EFNA2: variants seen among roughly 807,000 people sequenced by gnomAD.
EFNA2 encodes ephrin-A2.
EFNA2 carries 18 observed loss-of-function variants against 19.7 expected under a neutral mutation model. The ratio of observed to expected loss-of-function variants is 0.91; its 90% CI spans 0.63 to 1.35. EFNA2 has a LOEUF of 1.35. Among genes scored for constraint, EFNA2 ranks in the 40% most tolerant of loss-of-function variants. The pLI, the probability that EFNA2 is intolerant of heterozygous loss-of-function variation, is 0.00. For missense variants in EFNA2, 303 were observed against 296.0 expected (o/e 1.02, Z -0.17); for synonymous variants, 187 against 137.8 (o/e 1.36, Z -2.50).
chr19:1,295,811 T>G lies in EFNA2; in HGVS notation c.407T>G (p.Phe136Cys). Residue 136 changes from phenylalanine to cysteine, a missense_variant, in exon 2 of 4, where the codon TTC becomes TGC. Transcript: ENST00000215368. The surrounding 1 kb of genome is among the most constrained non-coding windows in gnomAD (Gnocchi z 5.8). ...GAGAAGTTCCAGCTCTTCACGCCCT[T>G]CTCCCTGGGCTTCGAGTTCCGGCCC... ...FSEKFQLFTP[F>C]SLGFEFRPGH... is the part of the protein sequence containing the mutation. 1 of 1,607,096 alleles carries G rather than the reference T, an allele frequency of 6.2e-7. No individual in the cohort carries two copies. Among genetic ancestry groups the G allele is most frequent in the Non-Finnish European group, 8.5e-7 (1 of 1,178,060 alleles).
At chr19:1,292,538 G>A (rs898937633) in intron 1 of EFNA2, among the ~76,000 whole-genome samples, 1 of 152,212 alleles carries the variant, frequency 6.6e-6, no homozygotes, top group East Asian at 1.9e-4. Flanking sequence ...GATATGGGGC[G>A]GGGCACAGGG....
chr19:1,289,794 G>A (rs1232967328), intron 1 of EFNA2, among the ~76,000 whole-genome samples: 1 of 152,198 alleles, frequency 6.6e-6, no homozygotes, highest in Admixed American at 6.5e-5. Context: ...CCCCAGCAGA[G>A]GGCAGAGGTG....
rs754042069 is a variant in EFNA2 at position 1,298,613 on chromosome 19, A to G, written c.517A>G (p.Thr173Ala). The change falls in exon 3 of 4, where the codon ACC becomes GCC. Residue 173 changes from threonine to alanine, a missense_variant. By Grantham distance (58) the Thr-to-Ala change is moderately conservative. Transcript: ENST00000215368. ...CLRLKVYVRP[T>A]NETLYEAPEP... ...GCGACTGAAGGTGTACGTGCGGCCG[A>G]CCAGTAAGTGCTCAGGGGGATGGGC... The G allele has an allele frequency of 1.2e-6, 2 of 1,613,828 alleles. No individual in the cohort carries two copies. Among genetic ancestry groups the G allele is most frequent in the South Asian group, 1.1e-5 (1 of 91,036 alleles).
Position 1,286,444 on chromosome 19 carries a change from G to A in EFNA2, c.140+136G>A, listed in dbSNP as rs2081465398. The A allele has an allele frequency of 4.9e-6, 1 of 205,600 alleles. No homozygotes were observed. Among genetic ancestry groups the A allele is most frequent in the Non-Finnish European group, 8.5e-6 (1 of 117,992 alleles). 12.7% of individuals were successfully genotyped at this position (205,600 alleles called of 1,614,324 possible). On this transcript the variant is annotated intron_variant, in intron 1 of 3. Coordinates refer to ENST00000215368, the MANE Select transcript of EFNA2 (RefSeq NM_001405.4). The surrounding 1 kb of genome is among the most constrained non-coding windows in gnomAD (Gnocchi z 5.6). ...CGGGATGCGGGCGCCCGGTTCCCGC[G>A]GGAGCCCCCCAGGGAGCTCCGGCCC...
chr19:1,300,058 C>T lies in EFNA2; in HGVS notation c.*113C>T. 7.2e-7 allele frequency: 1 copy of T among 1,381,624 alleles called. No homozygotes were observed. Among genetic ancestry groups the T allele is most frequent in the Non-Finnish European group, 9.5e-7 (1 of 1,051,456 alleles). The allele number at this position is 1,381,624 out of a possible 1,614,324, so 85.6% of individuals were successfully genotyped here. On this transcript the variant is annotated 3_prime_UTR_variant, in exon 4 of 4. Coordinates refer to ENST00000215368, the MANE Select transcript of EFNA2 (RefSeq NM_001405.4). ...CCTCCGAGACCAAATAGAGACGCTG[C>T]TTCTCCCTCGCCTGGTGCCGCCCCC... is the stretch of plus-strand genomic sequence containing the variant.
upstream of EFNA2, among the ~76,000 whole-genome samples, chr19:1,285,499 C>T (rs1391962470): frequency 2.0e-5 from 3 of 152,200 alleles, no homozygotes; most frequent in African/African-American, 7.2e-5. The surrounding 1 kb of genome is among the most constrained non-coding windows in gnomAD (Gnocchi z 4.1). Context: ...GCCCCGGCCC[C>T]CGCAGGGAGA....
intron 1 of EFNA2, among the ~76,000 whole-genome samples, chr19:1,290,275 G>A (rs1282115024): frequency 1.3e-5 from 2 of 152,166 alleles, no homozygotes; most frequent in Non-Finnish European, 2.9e-5. Flanking sequence ...CATGGTCTCT[G>A]TGTCTCACGG....
rs1041333453 is a variant in EFNA2 at position 1,294,616 on chromosome 19, G to C, written c.141-929G>C. On this transcript the variant is annotated intron_variant, in intron 1 of 3. Transcript: ENST00000215368. The surrounding 1 kb of genome is among the most constrained non-coding windows in gnomAD (Gnocchi z 5.8). Reference sequence around the variant, plus strand: ...GAAGGCAGGGGTGGGGCTGGGAGTGGAGCCCAGGATGTCTCCGAGCTGGGC... The same window carrying C: ...GAAGGCAGGGGTGGGGCTGGGAGTGCAGCCCAGGATGTCTCCGAGCTGGGC... Among the ~76,000 whole-genome samples, 2 of 151,820 alleles carry C rather than the reference G, an allele frequency of 1.3e-5. No homozygotes were observed. The highest frequency in any genetic ancestry group is 4.8e-5 in the African/African-American group (2 of 41,292).
chr19:1,286,348 C>T lies in EFNA2; in HGVS notation c.140+40C>T, dbSNP rs1221458384. The stretch of plus-strand genomic sequence containing the variant: ...GCGCGGGGGGCGCCCGGGGACCCCC[C>T]AACGCCCCCCAAGCCGCGCCCGGCC... On this transcript the variant is annotated intron_variant, in intron 1 of 3. Coordinates refer to ENST00000215368, the MANE Select transcript of EFNA2 (RefSeq NM_001405.4). This position sits in a 1 kb window ranked among gnomAD's most constrained non-coding sequence, Gnocchi z 5.6. The T allele has an allele frequency of 1.0e-6, 1 of 971,642 alleles. No individual in the cohort carries two copies. The highest frequency in any genetic ancestry group is 1.2e-6 in the Non-Finnish European group (1 of 819,110). 60.2% of individuals were successfully genotyped at this position (971,642 alleles called of 1,614,324 possible).
At chr19:1,289,476 C>A (rs1476171516) in intron 1 of EFNA2, among the ~76,000 whole-genome samples, 1 of 152,180 alleles carries the variant, frequency 6.6e-6, no homozygotes. Flanking sequence ...CGCTGTTGGC[C>A]CTCCCTCTCC....
Position 1,295,804 on chromosome 19 carries a change from A to C in EFNA2, c.400A>C (p.Thr134Pro), listed in dbSNP as rs749782959. Residue 134 changes from threonine (T) to proline (P), a missense_variant, in exon 2 of 4, where the codon ACG (threonine) becomes CCG (proline). Coordinates refer to ENST00000215368, the MANE Select transcript of EFNA2 (RefSeq NM_001405.4). The surrounding 1 kb of genome is among the most constrained non-coding windows in gnomAD (Gnocchi z 5.8). ...GTTCTCGGAGAAGTTCCAGCTCTTC[A>C]CGCCCTTCTCCCTGGGCTTCGAGTT... Reference protein sequence around the residue: ...LKFSEKFQLFTPFSLGFEFRP... With the variant: ...LKFSEKFQLFPPFSLGFEFRP... The C allele has an allele frequency of 6.8e-6, 11 of 1,607,606 alleles. No homozygotes were observed. The highest frequency in any genetic ancestry group is 9.3e-6 in the Non-Finnish European group (11 of 1,178,218).
chr19:1,291,195 T>G (rs2081490021), intron 1 of EFNA2, among the ~76,000 whole-genome samples: 1 of 152,152 alleles, frequency 6.6e-6, no homozygotes. Context: ...CTGCACTCTG[T>G]ACCAGGGCCA....
At chr19:1,299,736 G>T in intron 3 of EFNA2, 88 bp from the exon 4 acceptor site, 1 of 1,470,882 alleles carries the variant, frequency 6.8e-7, no homozygotes, top group African/African-American at 1.4e-5. Flanking sequence ...AGCCCGTTGG[G>T]CAGATGTGCA....
At position 1,295,857 on chromosome 19, in the gene EFNA2, C is replaced by G; in HGVS notation, c.453C>G (p.Ile151Met). 6.3e-7 allele frequency: 1 copy of G among 1,580,924 alleles called. No homozygotes were observed. Among genetic ancestry groups the G allele is most frequent in the Non-Finnish European group, 8.6e-7 (1 of 1,168,168 alleles). Residue 151 changes from isoleucine to methionine, a missense_variant and splice_region_variant, in exon 2 of 4, where the codon ATC (isoleucine) becomes ATG (methionine). Physicochemically the swap from Ile to Met is conservative, Grantham distance 10 (BLOSUM62 1). Coordinates refer to ENST00000215368, the MANE Select transcript of EFNA2 (RefSeq NM_001405.4). The surrounding 1 kb of genome is among the most constrained non-coding windows in gnomAD (Gnocchi z 5.8). ...EFRPGHEYYY[I>M]SATPPNAVDR... Reference sequence around the variant, plus strand: ...GGCCCGGCCACGAGTATTACTACATCTGTGAGTGGGGTCGGGCCGGGGCTG... The same window carrying G: ...GGCCCGGCCACGAGTATTACTACATGTGTGAGTGGGGTCGGGCCGGGGCTG...
rs1011174731 is a variant in EFNA2 at position 1,287,748 on chromosome 19, T to C, written c.140+1440T>C. Among the ~76,000 whole-genome samples the C allele has an allele frequency of 2.0e-5, 3 of 152,234 alleles. No individual in the cohort carries two copies. Among genetic ancestry groups the C allele is most frequent in the African/African-American group, 7.2e-5 (3 of 41,460 alleles). ...GGTCACATGTGGGTTTGATTAAGGC[T>C]GTCGCTGGCCGTGCGGGGAGTCCAG... On this transcript the variant is annotated intron_variant, in intron 1 of 3. Coordinates refer to ENST00000215368, the MANE Select transcript of EFNA2 (RefSeq NM_001405.4). The surrounding 1 kb of genome is among the most constrained non-coding windows in gnomAD (Gnocchi z 6.2).
rs1262550159 is a variant in EFNA2, at chr19:1,295,708, T to A, written c.304T>A (p.Cys102Ser). ...YMVNGEGHASCDHRQRGFKRW... is the reference protein window; with the variant it reads ...YMVNGEGHASSDHRQRGFKRW... ...GGTCAACGGCGAGGGCCACGCCTCC[T>A]GCGACCACCGCCAGCGCGGCTTCAA... Residue 102 changes from cysteine to serine, a missense_variant, in exon 2 of 4, where the codon TGC (cysteine) becomes AGC (serine). Coordinates refer to ENST00000215368, the MANE Select transcript of EFNA2 (RefSeq NM_001405.4). The surrounding 1 kb of genome is among the most constrained non-coding windows in gnomAD (Gnocchi z 5.8). 1.2e-6 allele frequency: 2 copies of A among 1,608,512 alleles called. No individual in the cohort carries two copies.
rs1568869524 is a variant in EFNA2, at chr19:1,297,137, G to A, written c.454+1279G>A. ...GGGATTCTCGTGGAGTGGGGACCCC[G>A]GCTTCTCAGCATCTCGGGGCCTGAG... On this transcript the variant is annotated intron_variant, in intron 2 of 3. Transcript: ENST00000215368. The surrounding 1 kb of genome is among the most constrained non-coding windows in gnomAD (Gnocchi z 5.0). Among the ~76,000 whole-genome samples, 2 of 152,134 alleles carry A rather than the reference G, an allele frequency of 1.3e-5. No homozygotes were observed. The highest frequency in any genetic ancestry group is 2.4e-5 in the African/African-American group (1 of 41,436).
rs1008124346 is a variant in EFNA2, at chr19:1,294,107, C to T, written c.141-1438C>T. Among the ~76,000 whole-genome samples, 1 of 152,246 alleles carries T rather than the reference C, an allele frequency of 6.6e-6. No individual in the cohort carries two copies. The highest frequency in any genetic ancestry group is 1.5e-5 in the Non-Finnish European group (1 of 68,034). On this transcript the variant is annotated intron_variant, in intron 1 of 3. Coordinates refer to ENST00000215368, the MANE Select transcript of EFNA2 (RefSeq NM_001405.4). The surrounding 1 kb of genome is among the most constrained non-coding windows in gnomAD (Gnocchi z 5.8). ...CCATGTGCTGCCAACACTGGTGGGG[C>T]CTCAGTTTCCCCTGCCTGTGCATGG... is the stretch of plus-strand genomic sequence containing the variant.
intron 1 of EFNA2, among the ~76,000 whole-genome samples, chr19:1,291,788 G>A (rs1420809288): frequency 6.6e-6 from 1 of 152,168 alleles, no homozygotes; most frequent in East Asian, 1.9e-4. Context: ...CCCGATTGGA[G>A]CTAATTAGCT....
Sources: gnomAD v4.1 joint callset for allele counts (sites outside exome capture counted in the v4.1 genomes callset) on GRCh38, gnomAD v4.1.1 for gene constraint, Gnocchi (gnomAD v3.1) non-coding constraint, MANE v1.5 for transcripts, NCBI Gene and HGNC (gene_info 2026-07-23, HGNC 2026-07-21) for gene names.